CTTNBP2: variants seen among roughly 807,000 people sequenced by gnomAD.
CTTNBP2 encodes the protein cortactin binding protein 2.
In CTTNBP2, 108 loss-of-function variants were observed where a neutral mutation model predicts 156.9. That is an observed-to-expected ratio of 0.69 (90% CI 0.59 to 0.81). The LOEUF is 0.81. CTTNBP2 is among the 30% of genes least tolerant of loss of function. The pLI is 0.00. For synonymous variants in CTTNBP2, 767 were observed against 751.8 expected (o/e 1.02, Z -0.33); for missense variants, 1,924 against 2,035.4 (o/e 0.95, Z 1.05).
intron 12 of CTTNBP2, among the ~76,000 whole-genome samples, chr7:117,751,926 A>T (rs909821674): frequency 6.6e-6 from 1 of 152,072 alleles, no homozygotes; most frequent in African/African-American, 2.4e-5. Context: ...ATTGCTGTGG[A>T]AGTCAAATGT....
At chr7:117,715,510 TTCA>T (rs1247879987) in intron 22 of CTTNBP2, among the ~76,000 whole-genome samples, 2 of 146,320 alleles carry the variant, frequency 1.4e-5, no homozygotes, top group Non-Finnish European at 3.0e-5. Flanking sequence ...TCAAGTGGAT[TTCA>T]TCATGCAACC....
chr7:117,870,914 C>G (rs1440102744), intron 1 of CTTNBP2, among the ~76,000 whole-genome samples: 1 of 152,180 alleles, frequency 6.6e-6, no homozygotes, highest in African/African-American at 2.4e-5. Flanking sequence ...AAATTTAAAA[C>G]ATTCCACTAA....
chr7:117,756,453 T>TGG (rs978759201), intron 12 of CTTNBP2, 102 bp downstream of exon 12: 1 of 844,004 alleles, frequency 1.2e-6, no homozygotes, highest in Non-Finnish European at 2.0e-6. Context: ...GAGCACAGGG[T>TGG]GGGGGGGCTT....
chr7:117,723,017 T>C (rs1794888672), intron 19 of CTTNBP2, among the ~76,000 whole-genome samples: 1 of 152,200 alleles, frequency 6.6e-6, no homozygotes, highest in Admixed American at 6.5e-5. Context: ...GTATAATCCT[T>C]GCTACAGAAA....
chr7:117,734,320 T>C (rs912981113), intron 16 of CTTNBP2, among the ~76,000 whole-genome samples: 2 of 152,256 alleles, frequency 1.3e-5, no homozygotes. Context: ...TCAAACTCTA[T>C]TATTTCTAAT....
At chr7:117,839,629 C>T (rs1343924246) in intron 2 of CTTNBP2, among the ~76,000 whole-genome samples, 1 of 152,174 alleles carries the variant, frequency 6.6e-6, no homozygotes, top group Non-Finnish European at 1.5e-5. Flanking sequence ...AGTGCTACTT[C>T]TGTCAAAGGA....
Position 117,724,730 on chromosome 7 carries a change from G to T in CTTNBP2, c.4264C>A (p.Leu1422Ile). The T allele has an allele frequency of 1.2e-6, 2 of 1,613,510 alleles. No homozygotes were observed. Among genetic ancestry groups the T allele is most frequent in the Admixed American group, 3.3e-5 (2 of 59,798 alleles). ...LHGCPLPRAE[L>I]DQHTADFKGG... The stretch of plus-strand genomic sequence containing the variant: ...TTGAAATCAGCTGTATGCTGGTCTA[G>T]CTCTGAAACAACACAAATCACAGCA... The change falls in exon 19 of 23, where the codon CTA becomes ATA. Residue 1422 changes from leucine to isoleucine, a missense_variant and splice_region_variant. Transcript: ENST00000160373.
chr7:117,865,409 C>G (rs1804104409), intron 1 of CTTNBP2, among the ~76,000 whole-genome samples: 2 of 151,822 alleles, frequency 1.3e-5, no homozygotes, highest in Non-Finnish European at 2.9e-5. Context: ...GCCTGTAATC[C>G]TAGCACTTTG....
chr7:117,780,738 G>A, intron 6 of CTTNBP2, 147 bp from the exon 7 acceptor site: 1 of 427,808 alleles, frequency 2.3e-6, no homozygotes, highest in Non-Finnish European at 4.1e-6. Flanking sequence ...AATTATTATG[G>A]ATCTTATTAC....
chr7:117,734,149 C>T (rs534905039), intron 16 of CTTNBP2, among the ~76,000 whole-genome samples: 12 of 152,280 alleles, frequency 7.9e-5, no homozygotes, highest in African/African-American at 2.9e-4. Flanking sequence ...TGGACACCTA[C>T]CACAAGATAT....
intron 14 of CTTNBP2, among the ~76,000 whole-genome samples, chr7:117,741,749 T>TA (rs1184076073): frequency 6.6e-6 from 1 of 152,236 alleles, no homozygotes; most frequent in African/African-American, 2.4e-5. Flanking sequence ...TCTTTGTGCC[T>TA]AGACATCAAT....
intron 22 of CTTNBP2, chr7:117,712,490 T>G (rs1584868617): frequency 6.6e-6 from 1 of 152,344 alleles, no homozygotes; most frequent in South Asian, 2.1e-4. Flanking sequence ...GTATTTTCCC[T>G]ATATTGCATT....
chr7:117,788,730 G>A (rs1049741839), intron 4 of CTTNBP2, among the ~76,000 whole-genome samples: 3 of 152,198 alleles, frequency 2.0e-5, no homozygotes, highest in African/African-American at 7.2e-5. Context: ...CCCCCATTGT[G>A]TAAGTGTAAT....
At chr7:117,789,093 C>T (rs959091587) in intron 4 of CTTNBP2, among the ~76,000 whole-genome samples, 1 of 152,052 alleles carries the variant, frequency 6.6e-6, no homozygotes, top group African/African-American at 2.4e-5. Flanking sequence ...AATCCTAGGG[C>T]AGGATATCCT....
intron 22 of CTTNBP2, 150 bp downstream of exon 22, chr7:117,717,868 A>G (rs764940754): frequency 2.0e-4 from 109 of 537,238 alleles, no homozygotes; most frequent in Non-Finnish European, 1.4e-4. Context: ...TCTTTCTAAA[A>G]CCTAATGAAC....
intron 2 of CTTNBP2, among the ~76,000 whole-genome samples, chr7:117,857,377 T>C (rs1453968243): frequency 1.3e-5 from 2 of 152,200 alleles, no homozygotes; most frequent in African/African-American, 2.4e-5. Flanking sequence ...TACCAAGATA[T>C]ATATTGCAAT....
intron 2 of CTTNBP2, among the ~76,000 whole-genome samples, chr7:117,837,245 T>C (rs12706158): frequency 0.34 from 52,067 of 152,112 alleles, 9,442 homozygotes; most frequent in Middle Eastern, 0.43. Context: ...CCCTAAGCCA[T>C]TGAATGCCAG....
intron 3 of CTTNBP2, among the ~76,000 whole-genome samples, chr7:117,805,738 T>A (rs1427324345): frequency 2.0e-5 from 3 of 152,164 alleles, no homozygotes; most frequent in Non-Finnish European, 1.5e-5. Flanking sequence ...TACAGATTTT[T>A]AAAAAAATTG....
intron 19 of CTTNBP2, among the ~76,000 whole-genome samples, chr7:117,724,290 T>A (rs1794964374): frequency 6.6e-6 from 1 of 152,164 alleles, no homozygotes; most frequent in African/African-American, 2.4e-5. Context: ...AACAAAATAA[T>A]AAATAAATGA....
Sources: allele counts gnomAD v4.1 joint callset (sites outside exome capture counted in the v4.1 genomes callset), GRCh38; gene constraint gnomAD v4.1.1; transcripts MANE v1.5; gene names NCBI Gene and HGNC (gene_info 2026-07-23, HGNC 2026-07-21).